The following SLIT2 variants were observed in gnomAD, a reference collection of about 807,000 sequenced individuals.
SLIT2 encodes the protein slit guidance ligand 2, also known as slit homolog 2 protein.
Under a neutral mutation model 185.7 loss-of-function variants are expected in SLIT2, and 41 were observed. The observed-to-expected ratio is 0.22, with a 90% CI of 0.17 to 0.29. The LOEUF is 0.29. Ranked by LOEUF, SLIT2 falls within the 10% of genes least tolerant of loss-of-function variation. The pLI, the probability that SLIT2 is intolerant of heterozygous loss-of-function variation, is 1.00. For missense variants in SLIT2, 1,571 were observed against 1,909.0 expected (o/e 0.82, Z 3.30); for synonymous variants, 693 against 680.2 (o/e 1.02, Z -0.29).
chr4:20,365,352 C>G (rs1372277570), intron 4 of SLIT2, among the ~76,000 whole-genome samples: 1 of 152,038 alleles, frequency 6.6e-6, no homozygotes, highest in Non-Finnish European at 1.5e-5. Flanking sequence ...TGTTAAGGAC[C>G]CAAGATCTTT....
rs1388187483 is a variant in SLIT2 at position 20,578,848 on chromosome 4, G to A, written c.3088+9844G>A. 3.3e-5 allele frequency among the ~76,000 whole-genome samples: 5 copies of A among 152,182 alleles called. No homozygotes were observed. The East Asian group carries it at 9.6e-4, about 29-fold the overall frequency. Reference sequence around the variant, plus strand: ...ATTAATATTTTTAACAGTGATTTGAGTTGGAAAATTTCAGAAATCTTAATC... The same window carrying A: ...ATTAATATTTTTAACAGTGATTTGAATTGGAAAATTTCAGAAATCTTAATC... On this transcript the variant is annotated intron_variant, in intron 29 of 36. Coordinates refer to ENST00000504154, the MANE Select transcript of SLIT2 (RefSeq NM_004787.4).
At chr4:20,589,542 A>G in intron 29 of SLIT2, 102 bp from the exon 30 acceptor site, 4 of 864,872 alleles carry the variant, frequency 4.6e-6, no homozygotes, top group Non-Finnish European at 7.6e-6. Context: ...GTTTTAAATC[A>G]CAAGCTGCCC....
intron 29 of SLIT2, among the ~76,000 whole-genome samples, chr4:20,571,883 A>G (rs1244727865): frequency 1.3e-5 from 2 of 152,240 alleles, no homozygotes; most frequent in Non-Finnish European, 2.9e-5. Flanking sequence ...CAGTTTTTGT[A>G]TTTGACACCT....
intron 9 of SLIT2, among the ~76,000 whole-genome samples, chr4:20,494,559 G>A (rs751368070): frequency 1.6e-4 from 25 of 152,106 alleles, no homozygotes; most frequent in Non-Finnish European, 2.6e-4. Context: ...GGCAGATCAT[G>A]AGGTCAGGAG....
At chr4:20,574,652 C>T (rs181200451) in intron 29 of SLIT2, among the ~76,000 whole-genome samples, 104 of 151,886 alleles carry the variant, frequency 6.8e-4, no homozygotes, top group South Asian at 2.1e-4. Context: ...CAGGGCGTTG[C>T]GGCACAAGCT....
At chr4:20,534,363 G>A (rs1041697367) in intron 18 of SLIT2, among the ~76,000 whole-genome samples, 14 of 152,214 alleles carry the variant, frequency 9.2e-5, no homozygotes, top group African/African-American at 3.4e-4. Context: ...CAGGGGTAGG[G>A]TGTTTGGGGG....
intron 18 of SLIT2, among the ~76,000 whole-genome samples, chr4:20,534,299 A>G (rs2148866082): frequency 6.6e-6 from 1 of 152,298 alleles, no homozygotes; most frequent in African/African-American, 2.4e-5. Context: ...GGCTGGTGAT[A>G]CATCTTCCAC....
intron 4 of SLIT2, among the ~76,000 whole-genome samples, chr4:20,419,908 T>A (rs1728034942): frequency 6.6e-6 from 1 of 152,134 alleles, no homozygotes; most frequent in Non-Finnish European, 1.5e-5. Context: ...TGTCTACCCT[T>A]TCTTTTGGTC....
In SLIT2 at chr4:20,567,329, C is replaced by T. The variant is rs762193533; in HGVS notation, c.2793C>T (p.Gly931=). 6.2e-7 allele frequency: 1 copy of T among 1,612,636 alleles called. No homozygotes were observed. The highest frequency in any genetic ancestry group is 1.7e-5 in the Admixed American group (1 of 59,932). ...TATCAAATCCGTGTAAAAATGATGG[C>T]ACATGTAATAGTGATCCAGTTGACT... is the stretch of plus-strand genomic sequence containing the variant. ...PCLSNPCKND[G]TCNSDPVDFY... The change falls in exon 27 of 37, where the codon GGC becomes GGT. Residue 931 remains glycine, a synonymous_variant. Transcript: ENST00000504154.
chr4:20,524,188 C>G lies in SLIT2; in HGVS notation c.1438+11C>G. 1 of 1,613,172 alleles carries G rather than the reference C, an allele frequency of 6.2e-7. No homozygotes were observed. The highest frequency in any genetic ancestry group is 8.5e-7 in the Non-Finnish European group (1 of 1,179,304). On this transcript the variant is annotated intron_variant, in intron 14 of 36. Transcript: ENST00000504154. Reference sequence around the variant, plus strand: ...AATTCCGTTGTTCAGGTAATTTCTTCACGTGTTATTTCCCCTGTGACCAAC... The same window carrying G: ...AATTCCGTTGTTCAGGTAATTTCTTGACGTGTTATTTCCCCTGTGACCAAC...
At position 20,511,054 on chromosome 4, in the gene SLIT2, T is replaced by G. The variant is rs766201452; in HGVS notation, c.987-12T>G. The G allele has an allele frequency of 1.9e-6, 3 of 1,561,968 alleles. No homozygotes were observed. Among genetic ancestry groups the G allele is most frequent in the Non-Finnish European group, 2.6e-6 (3 of 1,133,414 alleles). On this transcript the variant is annotated splice_polypyrimidine_tract_variant and intron_variant, in intron 10 of 36. Coordinates refer to ENST00000504154, the MANE Select transcript of SLIT2 (RefSeq NM_004787.4). The stretch of plus-strand genomic sequence containing the variant: ...TTGATTGAATGTAACCTAACCCTAT[T>G]TCTAATCTTAGTGACCTGAGCAATA...
At chr4:20,613,344 G>A (rs1729389270) in intron 34 of SLIT2, among the ~76,000 whole-genome samples, 1 of 152,182 alleles carries the variant, frequency 6.6e-6, no homozygotes, top group Non-Finnish European at 1.5e-5. Flanking sequence ...TTGAGCTGAT[G>A]CCCTTGGCAG....
At chr4:20,557,535 G>A (rs543713541) in intron 26 of SLIT2, among the ~76,000 whole-genome samples, 3 of 151,946 alleles carry the variant, frequency 2.0e-5, no homozygotes, top group Non-Finnish European at 4.4e-5. Context: ...AGAATGATTT[G>A]TTTCATAATA....
chr4:20,437,574 C>T (rs1000223002), intron 4 of SLIT2, among the ~76,000 whole-genome samples: 1 of 152,120 alleles, frequency 6.6e-6, no homozygotes, highest in Non-Finnish European at 1.5e-5. Context: ...ATGATCACAG[C>T]ACTGCATCCC....
Position 20,498,313 on chromosome 4 carries a change from T to C in SLIT2, c.914+6414T>C, listed in dbSNP as rs1236270044. 2.0e-5 allele frequency among the ~76,000 whole-genome samples: 3 copies of C among 152,170 alleles called. No homozygotes were observed. In the East Asian group the frequency reaches 5.8e-4, roughly 29 times the overall value. The stretch of plus-strand genomic sequence containing the variant: ...GGGAAAGCTGTTTGCTGCCTTGGGG[T>C]CATCCCAGCACTTTGCTGCGTTGAA... On this transcript the variant is annotated intron_variant, in intron 9 of 36. Transcript: ENST00000504154.
At chr4:20,391,350 C>A (rs1262432871) in intron 4 of SLIT2, among the ~76,000 whole-genome samples, 1 of 151,916 alleles carries the variant, frequency 6.6e-6, no homozygotes, top group African/African-American at 2.4e-5. Flanking sequence ...GATGGAGATA[C>A]AACAGTCAGG....
chr4:20,599,526 G>A (rs1728249230), intron 33 of SLIT2, among the ~76,000 whole-genome samples: 1 of 152,030 alleles, frequency 6.6e-6, no homozygotes. Flanking sequence ...ATTATAAATA[G>A]CCTTGATGTT....
At chr4:20,374,461 C>T (rs965010669) in intron 4 of SLIT2, among the ~76,000 whole-genome samples, 17 of 152,008 alleles carry the variant, frequency 1.1e-4, no homozygotes, top group South Asian at 2.1e-4. Flanking sequence ...TGTTCTTTGG[C>T]ATTTAAATGG....
chr4:20,443,206 G>A (rs965671075), intron 4 of SLIT2, among the ~76,000 whole-genome samples: 1 of 152,110 alleles, frequency 6.6e-6, no homozygotes, highest in Non-Finnish European at 1.5e-5. Flanking sequence ...GAAGTGTGGG[G>A]TATGGCACAA....
Sources: gnomAD v4.1 joint callset for allele counts (sites outside exome capture counted in the v4.1 genomes callset) on GRCh38, gnomAD v4.1.1 for gene constraint, MANE v1.5 for transcripts, NCBI Gene and HGNC (gene_info 2026-07-23, HGNC 2026-07-21) for gene names.